THADA: variants seen among roughly 807,000 people sequenced by gnomAD.
The protein encoded by THADA is tRNA (32-2'-O)-methyltransferase regulator THADA.
A neutral mutation model predicts 219.8 loss-of-function variants in THADA; 213 were observed. That is an observed-to-expected ratio of 0.97 (90% CI 0.87 to 1.09). THADA has a LOEUF of 1.09. THADA is among the 50% of genes least tolerant of loss of function. The pLI, the probability that THADA is intolerant of heterozygous loss-of-function variation, is 0.00. For synonymous variants in THADA, 1,018 were observed against 828.9 expected (o/e 1.23, Z -3.92); for missense variants, 2,956 against 2,311.3 (o/e 1.28, Z -5.72).
chr2:43,281,263 T>C (rs1173530661), intron 35 of THADA, among the ~76,000 whole-genome samples: 2 of 152,198 alleles, frequency 1.3e-5, no homozygotes, highest in African/African-American at 2.4e-5. Context: ...TTACTCAGCC[T>C]TTCAGTCTCC....
At chr2:43,322,674 CT>C (rs34557514) in intron 30 of THADA, among the ~76,000 whole-genome samples, 228 of 54,786 alleles carry the variant, frequency 4.2e-3, no homozygotes, top group African/African-American at 0.015. Context: ...ACATTCTATT[CT>C]TTTTTTTTTT....
chr2:43,273,175 G>T (rs1280117536), intron 36 of THADA, among the ~76,000 whole-genome samples: 2 of 151,902 alleles, frequency 1.3e-5, no homozygotes, highest in Non-Finnish European at 2.9e-5. Flanking sequence ...CTTGAACCCG[G>T]GAGGCGGAGG....
chr2:43,572,010 A>T lies in THADA; in HGVS notation c.1909-148T>A, dbSNP rs1301245945. 4.7e-6 allele frequency: 3 copies of T among 638,964 alleles called. No individual in the cohort carries two copies. The African/African-American group carries it at 5.4e-5, about 12-fold the overall frequency. The allele number at this position is 638,964 out of a possible 1,614,324, so 39.6% of individuals were successfully genotyped here. Reference sequence around the variant, plus strand: ...ACCTCAGAAAGGTTTCCTAATCTCAAAGATCCTAGGGTTATTTCCTATACA... The same window carrying T: ...ACCTCAGAAAGGTTTCCTAATCTCATAGATCCTAGGGTTATTTCCTATACA... On this transcript the variant is annotated intron_variant, in intron 12 of 37. Transcript: ENST00000405975.
chr2:43,445,669 T>C (rs2104875932), intron 26 of THADA, among the ~76,000 whole-genome samples: 1 of 152,266 alleles, frequency 6.6e-6, no homozygotes, highest in South Asian at 2.1e-4. Flanking sequence ...ATTTTTGGAC[T>C]TTTTTTGTTT....
intron 35 of THADA, among the ~76,000 whole-genome samples, chr2:43,280,664 C>G (rs1200515516): frequency 3.3e-5 from 5 of 151,848 alleles, no homozygotes. Context: ...AACAAAACAA[C>G]AACAACAACA....
intron 26 of THADA, among the ~76,000 whole-genome samples, chr2:43,454,727 A>G (rs1238245453): frequency 6.6e-6 from 1 of 152,212 alleles, no homozygotes; most frequent in East Asian, 1.9e-4. Context: ...CTGGAAAGAA[A>G]GAGAAAGATA....
chr2:43,580,599 G>C (rs530742034), intron 8 of THADA, among the ~76,000 whole-genome samples: 1 of 152,022 alleles, frequency 6.6e-6, no homozygotes, highest in Non-Finnish European at 1.5e-5. Context: ...CAAACAATGA[G>C]GCCAGGCGCG....
intron 28 of THADA, among the ~76,000 whole-genome samples, chr2:43,412,060 T>G (rs1217893999): frequency 2.0e-5 from 3 of 152,172 alleles, no homozygotes; most frequent in Non-Finnish European, 4.4e-5. Context: ...CCACTGCCAA[T>G]TTTGATGATC....
chr2:43,556,717 G>C (rs1229846890), intron 16 of THADA, among the ~76,000 whole-genome samples, 162 bp from the exon 17 acceptor site: 1 of 151,964 alleles, frequency 6.6e-6, no homozygotes, highest in African/African-American at 2.4e-5. Context: ...TTGAGGCCAG[G>C]AGCTCAAGAT....
At chr2:43,387,125 C>A (rs1364665574) in intron 29 of THADA, among the ~76,000 whole-genome samples, 1 of 152,090 alleles carries the variant, frequency 6.6e-6, no homozygotes, top group Non-Finnish European at 1.5e-5. Context: ...AAGAGAGGAT[C>A]AATGAAACAG....
chr2:43,515,366 AAT>A lies in THADA; in HGVS notation c.3375-6588_3375-6587del, dbSNP rs1391753113. ...ATATAATATTTTATATATAATATAT[AAT>A]ATATAATATATAATATTTTATATAT... On this transcript the variant is annotated intron_variant, in intron 22 of 37. Transcript: ENST00000405975. Among the ~76,000 whole-genome samples, 11 of 53,450 alleles carry A rather than the reference AAT, an allele frequency of 2.1e-4. 1 individual carries two copies. Among genetic ancestry groups the A allele is most frequent in the East Asian group, 1.3e-3 (4 of 3,140 alleles). The allele number at this position is 53,450 out of a possible 152,430, so 35.1% of individuals were successfully genotyped here.
chr2:43,250,315 A>G (rs1030617402), intron 36 of THADA, among the ~76,000 whole-genome samples: 1 of 152,258 alleles, frequency 6.6e-6, no homozygotes, highest in Non-Finnish European at 1.5e-5. Context: ...AAAAGGTCAT[A>G]TATAAATCCA....
chr2:43,361,615 C>G (rs1042882201), intron 29 of THADA, among the ~76,000 whole-genome samples: 1 of 152,170 alleles, frequency 6.6e-6, no homozygotes, highest in Middle Eastern at 3.2e-3. Flanking sequence ...GGACTTCTGC[C>G]TTTGGCAGTA....
intron 29 of THADA, among the ~76,000 whole-genome samples, chr2:43,381,490 A>T (rs993612003): frequency 5.9e-5 from 9 of 152,192 alleles, no homozygotes; most frequent in Non-Finnish European, 1.3e-4. Flanking sequence ...GTATGGAAAA[A>T]AGACAGAAGA....
chr2:43,274,108 G>A (rs1242592810), intron 36 of THADA, among the ~76,000 whole-genome samples: 1 of 152,100 alleles, frequency 6.6e-6, no homozygotes, highest in East Asian at 1.9e-4. Context: ...GCCAAGCACA[G>A]GAGGCTCCTT....
chr2:43,465,294 G>C (rs1684105913), intron 26 of THADA, among the ~76,000 whole-genome samples: 1 of 152,142 alleles, frequency 6.6e-6, no homozygotes. Context: ...TAATCCAGTG[G>C]AATACTTCCC....
intron 29 of THADA, among the ~76,000 whole-genome samples, chr2:43,359,175 A>T (rs972138471): frequency 6.6e-6 from 1 of 152,222 alleles, no homozygotes; most frequent in African/African-American, 2.4e-5. Flanking sequence ...TGTAGCCCTT[A>T]TTGATAACTA....
chr2:43,478,730 G>T (rs1353931934), intron 26 of THADA, among the ~76,000 whole-genome samples: 1 of 152,286 alleles, frequency 6.6e-6, no homozygotes, highest in East Asian at 1.9e-4. Context: ...CTTCGTCCAC[G>T]TAAGAGTCAA....
chr2:43,591,818 A>AG (rs11443399), intron 3 of THADA, 134 bp downstream of exon 3: 190,657 of 537,302 alleles, frequency 0.35, 38,002 homozygotes, highest in African/African-American at 0.69. Flanking sequence ...TAAACAGAAA[A>AG]AAAAAAATAC....
Sources: allele counts gnomAD v4.1 joint callset (sites outside exome capture counted in the v4.1 genomes callset), GRCh38; gene constraint gnomAD v4.1.1; transcripts MANE v1.5; gene names NCBI Gene and HGNC (gene_info 2026-07-23, HGNC 2026-07-21).